FGF12: variants seen among roughly 807,000 people sequenced by gnomAD.
FGF12 encodes fibroblast growth factor 12B.
In FGF12, 14 loss-of-function variants were observed where a neutral mutation model predicts 23.6. The observed-to-expected ratio is 0.59, with a 90% CI of 0.39 to 0.93. The LOEUF is 0.93. Ranked by LOEUF, FGF12 falls within the 40% of genes least tolerant of loss-of-function variation. FGF12 has a pLI of 0.00. For synonymous variants in FGF12, 62 were observed against 77.3 expected, an observed-to-expected ratio of 0.80 and a Z score of 1.04; for missense variants, 175 against 217.8, an observed-to-expected ratio of 0.80 and a Z score of 1.24.
At chr3:192,504,937 T>C (rs2086196670) in intron 2 of FGF12, among the ~76,000 whole-genome samples, 1 of 152,218 alleles carries the variant, frequency 6.6e-6, no homozygotes, top group African/African-American at 2.4e-5. Flanking sequence ...TTCTCAGTTG[T>C]CTGGAACTCA....
intron 2 of FGF12, among the ~76,000 whole-genome samples, chr3:192,575,304 C>G (rs1712826000): frequency 6.6e-6 from 1 of 152,178 alleles, no homozygotes; most frequent in Non-Finnish European, 1.5e-5. Flanking sequence ...TCAAATTGTA[C>G]ATTTTAATTG....
intron 2 of FGF12, among the ~76,000 whole-genome samples, chr3:192,644,998 T>C (rs192122943): frequency 6.6e-6 from 1 of 152,276 alleles, no homozygotes; most frequent in Non-Finnish European, 1.5e-5. Flanking sequence ...AAGAGGGCTT[T>C]GTGGGTGAAG....
intron 2 of FGF12, among the ~76,000 whole-genome samples, chr3:192,475,411 A>G (rs1723290782): frequency 6.6e-6 from 1 of 152,210 alleles, no homozygotes; most frequent in African/African-American, 2.4e-5. Flanking sequence ...CACAAAACAT[A>G]CAACTAATGT....
chr3:192,386,930 G>A (rs13095868), intron 2 of FGF12, among the ~76,000 whole-genome samples: 1,930 of 152,294 alleles, frequency 0.013, 23 homozygotes, highest in Non-Finnish European at 0.02. Context: ...ATTGTTAAAA[G>A]TGTCAAACCT....
chr3:192,328,695 T>C (rs956044133), intron 4 of FGF12, among the ~76,000 whole-genome samples: 1 of 152,210 alleles, frequency 6.6e-6, no homozygotes, highest in Non-Finnish European at 1.5e-5. Context: ...TTGCAGTTGG[T>C]GCCAGAAGTG....
chr3:192,251,203 G>A (rs991566406), intron 4 of FGF12, among the ~76,000 whole-genome samples: 8 of 152,134 alleles, frequency 5.3e-5, no homozygotes, highest in Admixed American at 5.2e-4. Flanking sequence ...CATATAACAT[G>A]TTTCTCCTAG....
At chr3:192,667,840 G>A (rs1716952007) in intron 2 of FGF12, among the ~76,000 whole-genome samples, 1 of 152,042 alleles carries the variant, frequency 6.6e-6, no homozygotes, top group African/African-American at 2.4e-5. Flanking sequence ...ATGTTATGTT[G>A]TTAGTGCTTT....
intron 4 of FGF12, among the ~76,000 whole-genome samples, chr3:192,178,406 T>C (rs1479201295): frequency 6.6e-6 from 1 of 152,168 alleles, no homozygotes; most frequent in East Asian, 1.9e-4. Context: ...ACTCTCCATA[T>C]GGTATGTAGA....
rs1469685321 is a variant in FGF12 at position 192,261,816 on chromosome 3, G to A, written c.228+73545C>T. Among the ~76,000 whole-genome samples the A allele has an allele frequency of 2.6e-5, 4 of 152,150 alleles. No homozygotes were observed. The East Asian group carries it at 7.7e-4, about 29-fold the overall frequency. On this transcript the variant is annotated intron_variant, in intron 4 of 5. Transcript: ENST00000445105. ...AACTCAATACGTGTTATCTCCAGCA[G>A]CCTGTGGCACAATCTGAATTGTTCG...
In FGF12 at chr3:192,726,610, C is replaced by T. The variant is rs910663474; in HGVS notation, c.13+571G>A. On this transcript the variant is annotated intron_variant, in intron 2 of 5. Coordinates refer to ENST00000445105, the MANE Select transcript of FGF12 (RefSeq NM_004113.6). ...TATGCTTGGAAGCCAAGCAGTACTC[C>T]CATACACTGTTCTTCTTAGAGGTCA... Among the ~76,000 whole-genome samples the T allele has an allele frequency of 2.0e-5, 3 of 152,166 alleles. No homozygotes were observed. In the South Asian group the frequency reaches 6.2e-4, roughly 32 times the overall value.
At chr3:192,517,123 A>G (rs574638483) in intron 2 of FGF12, 16 of 152,316 alleles carry the variant, frequency 1.1e-4, no homozygotes, top group African/African-American at 3.8e-4. Flanking sequence ...GGTTCCCTCG[A>G]CGGCACTTGA....
intron 2 of FGF12, among the ~76,000 whole-genome samples, chr3:192,578,849 C>T (rs1713019222): frequency 6.6e-6 from 1 of 152,058 alleles, no homozygotes; most frequent in South Asian, 2.1e-4. Flanking sequence ...CATATTATTC[C>T]CACCTGCAAA....
chr3:192,306,895 C>T (rs1715680163), intron 4 of FGF12, among the ~76,000 whole-genome samples: 1 of 152,120 alleles, frequency 6.6e-6, no homozygotes. Flanking sequence ...TGTTTCCTTC[C>T]ACTTCCAAAA....
intron 2 of FGF12, among the ~76,000 whole-genome samples, chr3:192,602,302 G>T (rs1714147243): frequency 6.6e-6 from 1 of 152,082 alleles, no homozygotes; most frequent in Non-Finnish European, 1.5e-5. Flanking sequence ...AAATTAGTAG[G>T]CAAATAAATA....
At chr3:192,159,362 G>C (rs964837371) in intron 5 of FGF12, among the ~76,000 whole-genome samples, 16 of 152,138 alleles carry the variant, frequency 1.1e-4, no homozygotes, top group Non-Finnish European at 1.8e-4. Context: ...TTTTCACTTG[G>C]CTTCTTGAAC....
intron 4 of FGF12, among the ~76,000 whole-genome samples, chr3:192,324,979 T>C (rs1034404835): frequency 2.6e-5 from 4 of 152,108 alleles, no homozygotes; most frequent in Admixed American, 1.3e-4. Flanking sequence ...AGTTATAAAC[T>C]CTTAGAAAAA....
intron 2 of FGF12, among the ~76,000 whole-genome samples, chr3:192,413,152 T>C (rs758115112): frequency 1.3e-5 from 2 of 152,220 alleles, no homozygotes; most frequent in Non-Finnish European, 2.9e-5. Context: ...CAGAGGCTTT[T>C]TGGTCTTTTG....
In FGF12 at chr3:192,345,641, C is replaced by T. The variant is rs1308738942; in HGVS notation, c.125-10177G>A. 1.7e-4 allele frequency among the ~76,000 whole-genome samples: 7 copies of T among 41,622 alleles called. 2 individuals are homozygous for T. The highest frequency in any genetic ancestry group is 1.1e-3 in the African/African-American group (2 of 1,828). The allele number at this position is 41,622 out of a possible 152,430, so 27.3% of individuals were successfully genotyped here. A position where few individuals can be genotyped will look rare whatever the true frequency, so the allele number is the denominator to read the frequency against. On this transcript the variant is annotated intron_variant, in intron 3 of 5. Coordinates refer to ENST00000445105, the MANE Select transcript of FGF12 (RefSeq NM_004113.6). Reference sequence around the variant, plus strand: ...GGCGGAGCTTGCAGTGAGCCGAGATCGCGCCACTGCACTCCAGCCTGGGCG... The same window carrying T: ...GGCGGAGCTTGCAGTGAGCCGAGATTGCGCCACTGCACTCCAGCCTGGGCG...
intron 2 of FGF12, among the ~76,000 whole-genome samples, chr3:192,584,195 T>A (rs1352544060): frequency 6.6e-6 from 1 of 152,208 alleles, no homozygotes. Flanking sequence ...GTTTCTTTGA[T>A]ACCTTTGTTA....
Sources: gnomAD v4.1 joint callset for allele counts (sites outside exome capture counted in the v4.1 genomes callset) on GRCh38, gnomAD v4.1.1 for gene constraint, MANE v1.5 for transcripts, NCBI Gene and HGNC (gene_info 2026-07-23, HGNC 2026-07-21) for gene names.